PRUNE2: variants seen among roughly 807,000 people sequenced by gnomAD.
PRUNE2 encodes the protein prune homolog 2 with BCH domain.
A neutral mutation model predicts 252.0 loss-of-function variants in PRUNE2; 164 were observed. That is an observed-to-expected ratio of 0.65 (90% CI 0.57 to 0.74). PRUNE2 has a LOEUF of 0.74. Among genes scored for constraint, PRUNE2 ranks in the 30% least tolerant of loss-of-function variants. The pLI is 0.00. For missense variants in PRUNE2, 3,495 were observed against 3,711.0 expected (o/e 0.94, Z 1.51); for synonymous variants, 1,292 against 1,350.2 (o/e 0.96, Z 0.94).
chr9:76,613,345 C>T lies in PRUNE2; in HGVS notation c.*1225G>A, dbSNP rs1828021227. 1 of 152,226 alleles carries T rather than the reference C, an allele frequency of 6.6e-6. No individual in the cohort carries two copies. Among genetic ancestry groups the T allele is most frequent in the Admixed American group, 6.5e-5 (1 of 15,286 alleles). The allele number at this position is 152,226 out of a possible 1,614,324, so 9.4% of individuals were successfully genotyped here. ...ATTGTGGGACATACGGTCTGCTGAA[C>T]TGCTCAGCTCTGCGGCTGTAGTGTG... On this transcript the variant is annotated 3_prime_UTR_variant, in exon 19 of 19. Transcript: ENST00000376718.
Position 76,707,050 on chromosome 9 carries a change from C to G in PRUNE2, c.5224G>C (p.Asp1742His), listed in dbSNP as rs767103136. 2.5e-6 allele frequency: 4 copies of G among 1,613,882 alleles called. No individual in the cohort carries two copies. The highest frequency in any genetic ancestry group is 3.4e-6 in the Non-Finnish European group (4 of 1,179,868). The change falls in exon 8 of 19, where the codon GAC (aspartate) becomes CAC (histidine). Residue 1742 changes from aspartate to histidine, a missense_variant. Physicochemically the swap from Asp to His is moderately conservative, Grantham distance 81. Transcript: ENST00000376718. ...PKSENIYDYL[D>H]SSEPAENENK... ...TCATTCTCTGCTGGCTCTGAGCTGT[C>G]TAGGTAGTCATAAATATTTTCAGAC...
chr9:76,710,482 G>A lies in PRUNE2; in HGVS notation c.1792C>T (p.Pro598Ser), dbSNP rs191652707. 3.7e-6 allele frequency: 6 copies of A among 1,613,962 alleles called. No homozygotes were observed. The African/African-American group carries it at 6.7e-5, about 18-fold the overall frequency. ...TDFVGDESPS[P>S]ERLKNTGKRI... Reference sequence around the variant, plus strand: ...TTTCCAGTATTTTTTAGCCTTTCTGGGGAAGGGGATTCATCTCCCACAAAA... The same window carrying A: ...TTTCCAGTATTTTTTAGCCTTTCTGAGGAAGGGGATTCATCTCCCACAAAA... Residue 598 changes from proline (P) to serine (S), a missense_variant, in exon 8 of 19, where the codon CCA (proline) becomes TCA (serine). By Grantham distance (74) the Pro-to-Ser change is moderately conservative. Coordinates refer to ENST00000376718, the MANE Select transcript of PRUNE2 (RefSeq NM_015225.3).
At chr9:76,879,915 T>A (rs2061681398) in intron 1 of PRUNE2, among the ~76,000 whole-genome samples, 2 of 110,670 alleles carry the variant, frequency 1.8e-5, no homozygotes, top group Non-Finnish European at 3.6e-5. Context: ...TTTTTTTTTT[T>A]TTTTTTTTTT....
chr9:76,842,494 T>C lies in PRUNE2; in HGVS notation c.508+4021A>G, dbSNP rs947709206. Among the ~76,000 whole-genome samples the C allele has an allele frequency of 1.9e-4, 22 of 115,120 alleles. 1 individual carries two copies. Among genetic ancestry groups the C allele is most frequent in the African/African-American group, 1.2e-3 (22 of 18,788 alleles). 75.5% of individuals were successfully genotyped at this position (115,120 alleles called of 152,430 possible). A position where few individuals can be genotyped will look rare whatever the true frequency, so the allele number is the denominator to read the frequency against. ...AAAGCCAAAATTGACAAATAAGATC[T>C]AATTAAAGAGCTTCTGCACAGCAAA... On this transcript the variant is annotated intron_variant, in intron 4 of 18. Coordinates refer to ENST00000376718, the MANE Select transcript of PRUNE2 (RefSeq NM_015225.3).
chr9:76,665,492 C>A (rs1184058610), intron 9 of PRUNE2, among the ~76,000 whole-genome samples: 1 of 152,198 alleles, frequency 6.6e-6, no homozygotes, highest in Non-Finnish European at 1.5e-5. Flanking sequence ...CACGTGGATG[C>A]TGCCATGTTC....
chr9:76,754,983 A>AC, intron 6 of PRUNE2, among the ~76,000 whole-genome samples: 1 of 151,190 alleles, frequency 6.6e-6, no homozygotes, highest in Non-Finnish European at 1.5e-5. Context: ...AAAAAAAAAA[A>AC]AAAAACCCAA....
At chr9:76,779,246 TG>T (rs1430033010) in intron 6 of PRUNE2, among the ~76,000 whole-genome samples, 5 of 151,250 alleles carry the variant, frequency 3.3e-5, no homozygotes, top group African/African-American at 4.9e-5. Flanking sequence ...TTTTTTTTTT[TG>T]GAAGTATCTG....
intron 1 of PRUNE2, chr9:76,857,210 C>T: frequency 2.2e-6 from 1 of 446,828 alleles, no homozygotes; most frequent in East Asian, 7.0e-5. Context: ...ACTCTCTTTC[C>T]CCCTCCACCC....
intron 3 of PRUNE2, among the ~76,000 whole-genome samples, chr9:76,848,767 TA>T (rs1466796428): frequency 6.6e-6 from 1 of 152,228 alleles, no homozygotes; most frequent in Non-Finnish European, 1.5e-5. Context: ...TATTCCTCCT[TA>T]GGCACCTGTA....
chr9:76,686,772 T>C (rs1264491050), intron 9 of PRUNE2, among the ~76,000 whole-genome samples: 1 of 151,992 alleles, frequency 6.6e-6, no homozygotes, highest in Non-Finnish European at 1.5e-5. Flanking sequence ...TTAAAAAAAG[T>C]TTTTTGGTAG....
intron 1 of PRUNE2, among the ~76,000 whole-genome samples, chr9:76,897,390 CTTTTTTTTTTTTTTTTTTTTT>C (rs55702049): frequency 1.6e-4 from 9 of 56,254 alleles, no homozygotes; most frequent in South Asian, 1.3e-3. Flanking sequence ...AGGCAAACCT[CTTTTTTTTTTTTTTTTTTTTT>C]TTTTTTTTTT....
intron 1 of PRUNE2, among the ~76,000 whole-genome samples, chr9:76,901,680 G>A (rs978747003): frequency 6.6e-6 from 1 of 152,094 alleles, no homozygotes; most frequent in Non-Finnish European, 1.5e-5. Flanking sequence ...TTAGAGTTTT[G>A]AATGTACTTT....
intron 6 of PRUNE2, among the ~76,000 whole-genome samples, chr9:76,728,872 T>A (rs887536424): frequency 2.0e-5 from 3 of 152,188 alleles, no homozygotes; most frequent in African/African-American, 4.8e-5. Flanking sequence ...ATAAAACACT[T>A]AGCTTAGGAT....
intron 9 of PRUNE2, chr9:76,687,680 C>T: frequency 2.5e-6 from 1 of 393,684 alleles, no homozygotes; most frequent in South Asian, 1.9e-5. Flanking sequence ...ACATTTGAGT[C>T]CTAGAGCCAT....
chr9:76,655,541 G>T, intron 9 of PRUNE2, 39 bp from the exon 10 acceptor site: 1 of 1,421,622 alleles, frequency 7.0e-7, no homozygotes, highest in Non-Finnish European at 9.9e-7. Flanking sequence ...AACAACAACT[G>T]TGTAAGACTT....
chr9:76,838,509 G>A (rs1302464555), intron 4 of PRUNE2, among the ~76,000 whole-genome samples: 3 of 151,958 alleles, frequency 2.0e-5, no homozygotes, highest in Admixed American at 6.6e-5. Context: ...GTGGGGCATG[G>A]TGGCAGATGC....
In PRUNE2 at chr9:76,667,213, T is replaced by C. The variant is rs1266444452; in HGVS notation, c.8277-11711A>G. ...TCACTCTCTGGTGTGGCACATATTGTGCTCTCTCCTCCAACAGTAAAAGCT... is the reference window on the plus strand; with the variant it reads ...TCACTCTCTGGTGTGGCACATATTGCGCTCTCTCCTCCAACAGTAAAAGCT... On this transcript the variant is annotated intron_variant, in intron 9 of 18. Transcript: ENST00000376718. Among the ~76,000 whole-genome samples, 6 of 152,226 alleles carry C rather than the reference T, an allele frequency of 3.9e-5. No homozygotes were observed. In the East Asian group the frequency reaches 1.2e-3, roughly 29 times the overall value.
chr9:76,652,252 G>C, intron 11 of PRUNE2: 1 of 462,912 alleles, frequency 2.2e-6, no homozygotes, highest in Non-Finnish European at 3.9e-6. Flanking sequence ...TAGCATAAAT[G>C]CTAGCACAGA....
At chr9:76,713,771 G>T in intron 6 of PRUNE2, 50 bp from the exon 7 acceptor site, 2 of 1,390,560 alleles carry the variant, frequency 1.4e-6, no homozygotes, top group Non-Finnish European at 2.0e-6. Flanking sequence ...GCCCAGCTGC[G>T]GGGAGTTGTT....
Sources: gnomAD v4.1 joint callset for allele counts (sites outside exome capture counted in the v4.1 genomes callset) on GRCh38, gnomAD v4.1.1 for gene constraint, MANE v1.5 for transcripts, NCBI Gene and HGNC (gene_info 2026-07-23, HGNC 2026-07-21) for gene names.